ERP44: variants seen among roughly 807,000 people sequenced by gnomAD.
The protein encoded by ERP44 is endoplasmic reticulum protein 44.
In ERP44, 25 loss-of-function variants were observed where a neutral mutation model predicts 53.4. The observed-to-expected ratio is 0.47, with a 90% confidence interval of 0.34 to 0.65. ERP44 has a LOEUF of 0.65. ERP44 is among the 30% of genes least tolerant of loss of function. The pLI is 0.01. For synonymous variants in ERP44, 145 were observed against 161.2 expected, an observed-to-expected ratio of 0.90 and a Z score of 0.76; for missense variants, 338 against 493.2, an observed-to-expected ratio of 0.69 and a Z score of 2.98.
intron 10 of ERP44, among the ~76,000 whole-genome samples, chr9:99,988,006 T>C (rs890758939): frequency 1.3e-5 from 2 of 152,234 alleles, no homozygotes; most frequent in Non-Finnish European, 2.9e-5. Context: ...CCAGGTTATA[T>C]GGTAGGTATA....
chr9:100,025,507 TGAAA>T (rs1234064687), intron 4 of ERP44, among the ~76,000 whole-genome samples: 4 of 152,118 alleles, frequency 2.6e-5, no homozygotes, highest in South Asian at 2.1e-4. Flanking sequence ...ACTGACAGAA[TGAAA>T]GAGACAAATT....
intron 4 of ERP44, among the ~76,000 whole-genome samples, chr9:100,038,471 G>C (rs996439612): frequency 2.0e-5 from 3 of 151,868 alleles, no homozygotes; most frequent in African/African-American, 7.3e-5. Context: ...AAGCCACATG[G>C]TAACCTCAAA....
intron 4 of ERP44, among the ~76,000 whole-genome samples, chr9:100,026,551 T>A (rs1401621105): frequency 6.6e-6 from 1 of 152,236 alleles, no homozygotes; most frequent in African/African-American, 2.4e-5. Flanking sequence ...CTATTACATA[T>A]GTTCAGTTGT....
At chr9:99,991,479 A>T (rs1830253775) in intron 10 of ERP44, among the ~76,000 whole-genome samples, 2 of 152,224 alleles carry the variant, frequency 1.3e-5, no homozygotes, top group Non-Finnish European at 2.9e-5. Flanking sequence ...GAGAACAAAG[A>T]CAGTGTACCA....
At chr9:100,050,398 T>C (rs1489781142) in intron 4 of ERP44, among the ~76,000 whole-genome samples, 1 of 152,022 alleles carries the variant, frequency 6.6e-6, no homozygotes, top group East Asian at 1.9e-4. Flanking sequence ...GATACGTATA[T>C]CAGTATATAA....
At chr9:99,995,532 C>A (rs1830301680) in intron 10 of ERP44, among the ~76,000 whole-genome samples, 2 of 151,888 alleles carry the variant, frequency 1.3e-5, no homozygotes, top group African/African-American at 4.9e-5. Flanking sequence ...ATCCCCATAA[C>A]CCCCAGCCTC....
intron 1 of ERP44, among the ~76,000 whole-genome samples, chr9:100,085,433 G>C (rs1209722673): frequency 6.6e-6 from 1 of 152,188 alleles, no homozygotes; most frequent in Non-Finnish European, 1.5e-5. Flanking sequence ...TCTATAAACA[G>C]ATTTAGCTTA....
intron 10 of ERP44, among the ~76,000 whole-genome samples, chr9:99,997,671 C>T (rs961992188): frequency 6.6e-6 from 1 of 152,170 alleles, no homozygotes; most frequent in Non-Finnish European, 1.5e-5. Flanking sequence ...ACCACAAATG[C>T]ATCCATCCAA....
At position 100,007,636 on chromosome 9, in the gene ERP44, A is replaced by G. The variant is rs371347560; in HGVS notation, c.816T>C (p.Asp272=). 8.1e-5 allele frequency: 130 copies of G among 1,606,054 alleles called. 1 individual carries two copies. In the African/African-American group the frequency reaches 1.5e-3, roughly 19 times the overall value. The change falls in exon 9 of 12, where the codon GAT becomes GAC. Residue 272 remains aspartate (D), a synonymous_variant. Transcript: ENST00000262455. ...PFLILFHMKE[D]TESLEIFQNE... ...TCTGGAATATTTCTAAACTTTCTGT[A>G]TCTTCTTTCATGTGAAAGAGTATGA...
intron 8 of ERP44, among the ~76,000 whole-genome samples, chr9:100,013,137 A>G (rs1407563566): frequency 6.6e-6 from 1 of 152,216 alleles, no homozygotes; most frequent in African/African-American, 2.4e-5. Flanking sequence ...AGCCTCTGGA[A>G]AGATTCAGGG....
At chr9:99,988,158 TAA>T (rs978731145) in intron 10 of ERP44, among the ~76,000 whole-genome samples, 1 of 152,220 alleles carries the variant, frequency 6.6e-6, no homozygotes, top group African/African-American at 2.4e-5. Context: ...TTAGGCATTC[TAA>T]AAAATATATA....
At chr9:100,077,839 T>C (rs933716726) in intron 1 of ERP44, among the ~76,000 whole-genome samples, 6 of 152,180 alleles carry the variant, frequency 3.9e-5, no homozygotes, top group Non-Finnish European at 7.3e-5. Flanking sequence ...ACAGGAGATC[T>C]GTTAGGGTGT....
intron 6 of ERP44, 110 bp from the exon 7 acceptor site, chr9:100,018,423 G>T: frequency 1.4e-6 from 1 of 703,638 alleles, no homozygotes; most frequent in South Asian, 1.6e-5. Context: ...ACAAGACTAT[G>T]CAATACCAAG....
At chr9:100,047,268 C>T (rs1480748041) in intron 4 of ERP44, among the ~76,000 whole-genome samples, 1 of 152,150 alleles carries the variant, frequency 6.6e-6, no homozygotes, top group Non-Finnish European at 1.5e-5. Context: ...TTAAGAACAT[C>T]TTCTCTTCAA....
At chr9:100,047,601 CTT>C (rs1490610196) in intron 4 of ERP44, among the ~76,000 whole-genome samples, 2 of 152,164 alleles carry the variant, frequency 1.3e-5, no homozygotes, top group Non-Finnish European at 2.9e-5. Context: ...ACCTAACACT[CTT>C]AAACTCTCTA....
intron 10 of ERP44, among the ~76,000 whole-genome samples, chr9:99,985,485 T>G (rs112213777): frequency 6.6e-6 from 1 of 152,208 alleles, no homozygotes; most frequent in Non-Finnish European, 1.5e-5. Flanking sequence ...CACTGAAAAC[T>G]ATGCAGCTTT....
chr9:99,986,606 C>G (rs7862460), intron 10 of ERP44, among the ~76,000 whole-genome samples: 70,653 of 151,962 alleles, frequency 0.46, 17,732 homozygotes, highest in East Asian at 0.9. Flanking sequence ...TTTTTATCCT[C>G]TCTTGAGGTC....
chr9:100,097,180 A>C (rs1410139255), intron 1 of ERP44, among the ~76,000 whole-genome samples: 1 of 152,188 alleles, frequency 6.6e-6, no homozygotes, highest in African/African-American at 2.4e-5. Flanking sequence ...GAAAAAACTC[A>C]TATTTAACAA....
chr9:100,002,510 G>A (rs563062690), intron 10 of ERP44, among the ~76,000 whole-genome samples: 3 of 152,202 alleles, frequency 2.0e-5, no homozygotes, highest in Non-Finnish European at 2.9e-5. Flanking sequence ...ATTTCTGAAG[G>A]ACAGCTTTGC....
Sources: allele counts gnomAD v4.1 joint callset (sites outside exome capture counted in the v4.1 genomes callset), GRCh38; gene constraint gnomAD v4.1.1; transcripts MANE v1.5; gene names NCBI Gene and HGNC (gene_info 2026-07-23, HGNC 2026-07-21).